The following PIGR variants were observed in gnomAD, a reference collection of about 807,000 sequenced individuals.
PIGR encodes hepatocellular carcinoma associated protein TB6.
PIGR carries 22 observed loss-of-function variants against 69.5 expected under a neutral mutation model. That is an observed-to-expected ratio of 0.32 (90% confidence interval 0.23 to 0.45). PIGR has a LOEUF of 0.45. Ranked by LOEUF, PIGR falls within the 20% of genes least tolerant of loss-of-function variation. The pLI, the probability that PIGR is intolerant of heterozygous loss-of-function variation, is 1.00. For missense variants in PIGR, 885 were observed against 974.0 expected (o/e 0.91, Z 1.22); for synonymous variants, 413 against 407.6 (o/e 1.01, Z -0.16).
chr1:206,941,868 A>T (rs1442868781), intron 1 of PIGR, among the ~76,000 whole-genome samples: 2 of 152,206 alleles, frequency 1.3e-5, no homozygotes, highest in Non-Finnish European at 2.9e-5. Flanking sequence ...CTTGACAAAG[A>T]GAGTGTTAAA....
At chr1:206,940,662 C>T in intron 1 of PIGR, 78 bp from the exon 2 acceptor site, 1 of 877,664 alleles carries the variant, frequency 1.1e-6, no homozygotes. Context: ...TCTGTGACAT[C>T]TATTTGGCTT....
chr1:206,941,462 A>C (rs532118948), intron 1 of PIGR, among the ~76,000 whole-genome samples: 1 of 152,160 alleles, frequency 6.6e-6, no homozygotes, highest in Non-Finnish European at 1.5e-5. Flanking sequence ...ATTTCATTTG[A>C]GCTTTATATG....
At chr1:206,938,782 A>G (rs1485440428) in intron 3 of PIGR, among the ~76,000 whole-genome samples, 5 of 152,074 alleles carry the variant, frequency 3.3e-5, no homozygotes, top group Admixed American at 2.6e-4. Context: ...ATCTCTCCCT[A>G]CCTTTTCTAT....
At chr1:206,931,440 C>T in intron 10 of PIGR, 57 bp downstream of exon 10, 5 of 1,613,732 alleles carry the variant, frequency 3.1e-6, no homozygotes, top group Non-Finnish European at 4.2e-6. Flanking sequence ...AGTCTAACTG[C>T]ATCCCCTCAT....
chr1:206,945,733 C>T (rs1680093047), intron 1 of PIGR, among the ~76,000 whole-genome samples: 1 of 152,222 alleles, frequency 6.6e-6, no homozygotes, highest in African/African-American at 2.4e-5. Context: ...TGGGAAACCT[C>T]AAAGAATGGA....
At position 206,937,577 on chromosome 1, in the gene PIGR, G is replaced by C. The variant is rs139139378; in HGVS notation, c.563C>G (p.Thr188Arg). The change falls in exon 4 of 11, where the codon ACA (threonine) becomes AGA (arginine). Residue 188 changes from threonine (T) to arginine (R), a missense_variant. By Grantham distance (71) the Thr-to-Arg change is moderately conservative (BLOSUM62 -1). Transcript: ENST00000356495. ...DSSGYVNPNY[T>R]GRIRLDIQGT... ...CTGAATATCAAGGCGTATTCTTCCT[G>C]TATAGTTGGGATTTACATAACCACT... 2 of 1,613,998 alleles carry C rather than the reference G, an allele frequency of 1.2e-6. No homozygotes were observed. Among genetic ancestry groups the C allele is most frequent in the African/African-American group, 2.7e-5 (2 of 74,928 alleles).
chr1:206,939,404 A>G lies in PIGR; in HGVS notation c.103T>C (p.Ser35Pro), dbSNP rs761614383. 1.5e-5 allele frequency: 24 copies of G among 1,614,002 alleles called. No individual in the cohort carries two copies. Among genetic ancestry groups the G allele is most frequent in the Non-Finnish European group, 1.7e-5 (20 of 1,179,984 alleles). The stretch of plus-strand genomic sequence containing the variant: ...GGGTAGTAGCACGTGATGGACACTG[A>G]GTTACCTTCCACACTATTCACCTCC... Reference protein sequence around the residue: ...PEEVNSVEGNSVSITCYYPPT... With the variant: ...PEEVNSVEGNPVSITCYYPPT... Residue 35 changes from serine (S) to proline (P), a missense_variant, in exon 3 of 11, where the codon TCA becomes CCA. Transcript: ENST00000356495.
Position 206,939,124 on chromosome 1 carries a change from C to A in PIGR, c.383G>T (p.Ser128Ile), listed in dbSNP as rs1341487305. The A allele has an allele frequency of 4.4e-6, 7 of 1,603,952 alleles. No homozygotes were observed. The Admixed American group carries it at 1.2e-4, about 27-fold the overall frequency. Residue 128 changes from serine (S) to isoleucine (I), a missense_variant, in exon 3 of 11, where the codon AGC (serine) becomes ATC (isoleucine). By Grantham distance (142) the Ser-to-Ile change is moderately radical. Coordinates refer to ENST00000356495, the MANE Select transcript of PIGR (RefSeq NM_002644.4). ...GLSFDVSLEV[S>I]QGPGLLNDTK... ...CAAGGAGCTTGGATCCTTACCCTGG[C>A]TGACCTCCAGGCTGACATCAAAGGA...
At chr1:206,945,763 A>G (rs1369000435) in intron 1 of PIGR, among the ~76,000 whole-genome samples, 1 of 152,254 alleles carries the variant, frequency 6.6e-6, no homozygotes. Context: ...GCTAGGTGCC[A>G]TACTTTATGC....
Position 206,930,515 on chromosome 1 carries a change from C to G in PIGR, c.2200-102G>C, listed in dbSNP as rs774740343. On this transcript the variant is annotated intron_variant, in intron 10 of 10. Transcript: ENST00000356495. The surrounding 1 kb of genome is among the most constrained non-coding windows in gnomAD (Gnocchi z 4.3). ...ATGTCCTGAATTCGTGATCTTGGTCCAAGCAACACAAGCCTTTGGGGCCCA... is the reference window on the plus strand; with the variant it reads ...ATGTCCTGAATTCGTGATCTTGGTCGAAGCAACACAAGCCTTTGGGGCCCA... The G allele has an allele frequency of 7.0e-7, 1 of 1,429,186 alleles. No individual in the cohort carries two copies. Among genetic ancestry groups the G allele is most frequent in the Non-Finnish European group, 9.2e-7 (1 of 1,087,800 alleles). 88.5% of individuals were successfully genotyped at this position (1,429,186 alleles called of 1,614,324 possible). A position where few individuals can be genotyped will look rare whatever the true frequency, so the allele number is the denominator to read the frequency against.
chr1:206,937,505 A>C lies in PIGR; in HGVS notation c.635T>G (p.Leu212Arg), dbSNP rs773837351. ...LFSVVINQLR[L>R]SDAGQYLCQA... is the part of the protein sequence containing the mutation. ...GCAGAGATACTGCCCAGCATCGCTG[A>C]GCCTGAGTTGGTTGATGACAACGCT... The change falls in exon 4 of 11, where the codon CTC (leucine) becomes CGC (arginine). Residue 212 changes from leucine to arginine, a missense_variant. Leu to Arg is a moderately radical substitution (Grantham distance 102). Coordinates refer to ENST00000356495, the MANE Select transcript of PIGR (RefSeq NM_002644.4). 6.2e-7 allele frequency: 1 copy of C among 1,614,206 alleles called. No individual in the cohort carries two copies. The highest frequency in any genetic ancestry group is 1.1e-5 in the South Asian group (1 of 91,082).
At position 206,935,595 on chromosome 1, in the gene PIGR, G is replaced by T; in HGVS notation, c.1269C>A (p.Thr423=). Residue 423 remains threonine (T), a synonymous_variant, in exon 5 of 11, where the codon ACC becomes ACA. Coordinates refer to ENST00000356495, the MANE Select transcript of PIGR (RefSeq NM_002644.4). The surrounding 1 kb of genome is among the most constrained non-coding windows in gnomAD (Gnocchi z 4.4). The stretch of plus-strand genomic sequence containing the variant: ...TGAGCTGGTTGAGGATGACAGTGAA[G>T]GTGCCGTTGCCTGGCTCCTCCAGCA... The part of the protein sequence containing the change: ...LSLLEEPGNG[T]FTVILNQLTS... The T allele has an allele frequency of 6.2e-7, 1 of 1,614,224 alleles. No individual in the cohort carries two copies. The highest frequency in any genetic ancestry group is 8.5e-7 in the Non-Finnish European group (1 of 1,180,032).
chr1:206,937,215 T>C lies in PIGR; in HGVS notation c.925A>G (p.Ser309Gly), dbSNP rs1312387710. ...LNPQDKDGSF[S>G]VVITGLRKED... Reference sequence around the variant, plus strand: ...TTCCTCAGGCCTGTGATCACCACACTGAATGAGCCATCCTTGTCCTGGGGG... The same window carrying C: ...TTCCTCAGGCCTGTGATCACCACACCGAATGAGCCATCCTTGTCCTGGGGG... The change falls in exon 4 of 11, where the codon AGT (serine) becomes GGT (glycine). Residue 309 changes from serine to glycine, a missense_variant. By Grantham distance (56) the Ser-to-Gly change is moderately conservative (BLOSUM62 0). Coordinates refer to ENST00000356495, the MANE Select transcript of PIGR (RefSeq NM_002644.4). The C allele has an allele frequency of 6.2e-7, 1 of 1,614,078 alleles. No individual in the cohort carries two copies. The highest frequency in any genetic ancestry group is 8.5e-7 in the Non-Finnish European group (1 of 1,180,038).
chr1:206,933,208 A>G (rs748168240), intron 6 of PIGR, 42 bp from the exon 7 acceptor site: 2 of 1,599,306 alleles, frequency 1.3e-6, no homozygotes, highest in Non-Finnish European at 1.7e-6. Context: ...ATTTTTCTCT[A>G]TGCTCTTACT....
Position 206,930,420 on chromosome 1 carries a change from G to A in PIGR, c.2200-7C>T, listed in dbSNP as rs1388912219. ...CGGCTTCCTCCTTGGATGACTAAGG[G>A]GCAAGAGGAGAGGCATCAGTGTTGG... is the stretch of plus-strand genomic sequence containing the variant. On this transcript the variant is annotated splice_region_variant and splice_polypyrimidine_tract_variant and intron_variant, in intron 10 of 10. Transcript: ENST00000356495. This position sits in a 1 kb window ranked among gnomAD's most constrained non-coding sequence, Gnocchi z 4.3. 6.2e-7 allele frequency: 1 copy of A among 1,612,484 alleles called. No homozygotes were observed. Among genetic ancestry groups the A allele is most frequent in the South Asian group, 1.1e-5 (1 of 90,806 alleles).
At chr1:206,937,842 G>A (rs1679897315) in intron 3 of PIGR, 91 bp from the exon 4 acceptor site, 4 of 1,196,140 alleles carry the variant, frequency 3.3e-6, no homozygotes, top group East Asian at 5.0e-5. Flanking sequence ...TAGTTAGGGT[G>A]TGGGTGGACT....
rs775550153 is a variant in PIGR at position 206,937,366 on chromosome 1, G to C, written c.774C>G (p.Ala258=). 1.2e-6 allele frequency: 2 copies of C among 1,613,752 alleles called. No individual in the cohort carries two copies. The highest frequency in any genetic ancestry group is 1.7e-5 in the Admixed American group (1 of 59,984). ...CCACGTTTGCCACCTCAGGGCCCAG[G>C]GCACAGTGGAAGGTCACTGAGCCCC... ...DLRGSVTFHC[A]LGPEVANVAK... Residue 258 remains alanine (A), a synonymous_variant, in exon 4 of 11, where the codon GCC becomes GCG. Transcript: ENST00000356495.
intron 1 of PIGR, among the ~76,000 whole-genome samples, chr1:206,943,521 G>A (rs1486088655): frequency 6.6e-6 from 1 of 152,200 alleles, no homozygotes; most frequent in Non-Finnish European, 1.5e-5. Context: ...TGTAACATAT[G>A]TCCCCACAAT....
At chr1:206,939,803 T>C (rs1679945956) in intron 2 of PIGR, among the ~76,000 whole-genome samples, 1 of 152,238 alleles carries the variant, frequency 6.6e-6, no homozygotes, top group Non-Finnish European at 1.5e-5. Context: ...CTCGGCTCAC[T>C]GCAACCTCCG....
Sources: allele counts gnomAD v4.1 joint callset (sites outside exome capture counted in the v4.1 genomes callset), GRCh38; gene constraint gnomAD v4.1.1; non-coding constraint Gnocchi (gnomAD v3.1); transcripts MANE v1.5; gene names NCBI Gene and HGNC (gene_info 2026-07-23, HGNC 2026-07-21).